Variants in JMY observed in about 807,000 individuals in gnomAD.
JMY encodes the protein junction-mediating and -regulatory protein.
A neutral mutation model predicts 103.3 loss-of-function variants in JMY; 46 were observed. That is an observed-to-expected ratio of 0.45 (90% CI 0.35 to 0.57). JMY has a LOEUF of 0.57. Ranked by LOEUF, JMY falls within the 20% of genes least tolerant of loss-of-function variation. The probability of loss-of-function intolerance (pLI) is 0.00; values close to 1 mark genes in which losing one functional copy is unlikely to be tolerated. For synonymous variants in JMY, 526 were observed against 489.3 expected (o/e 1.07, Z -0.99); for missense variants, 1,238 against 1,255.2 (o/e 0.99, Z 0.21).
At chr5:79,300,113 C>T (rs1419717100) in intron 4 of JMY, 40 bp from the exon 5 acceptor site, 27 of 1,590,452 alleles carry the variant, frequency 1.7e-5, no homozygotes, top group Non-Finnish European at 2.3e-5. Flanking sequence ...TTTCTTGTCC[C>T]CACCAGCTAG....
chr5:79,288,639 C>T (rs1351783876), intron 2 of JMY, among the ~76,000 whole-genome samples: 1 of 151,976 alleles, frequency 6.6e-6, no homozygotes, highest in East Asian at 1.9e-4. Context: ...CTGATGCTCC[C>T]CTTGATGTCT....
At chr5:79,315,886 AGAT>A in intron 9 of JMY, 111 bp from the exon 10 acceptor site, 1 of 816,276 alleles carries the variant, frequency 1.2e-6, no homozygotes, top group African/African-American at 1.7e-5. Context: ...TCCATTTTGA[AGAT>A]GGTGTTTCAG....
At chr5:79,262,476 C>T (rs1318124760) in intron 1 of JMY, among the ~76,000 whole-genome samples, 1 of 152,068 alleles carries the variant, frequency 6.6e-6, no homozygotes, top group East Asian at 1.9e-4. Context: ...ATTTTTTCAC[C>T]TGTTGAATTC....
chr5:79,278,309 C>G (rs1746006073), intron 2 of JMY, among the ~76,000 whole-genome samples: 1 of 151,982 alleles, frequency 6.6e-6, no homozygotes, highest in Admixed American at 6.6e-5. Context: ...TGAGGATAGC[C>G]CAGAAAGTAA....
In JMY at chr5:79,296,239, G is replaced by A. The variant is rs149512604; in HGVS notation, c.1528-3914G>A. On this transcript the variant is annotated intron_variant, in intron 4 of 10. Coordinates refer to ENST00000396137, the MANE Select transcript of JMY (RefSeq NM_152405.5). ...GATCACATTTTTCCACAAATGGATT[G>A]TGAGATTTGGTTTGACATTAAATTA... Among the ~76,000 whole-genome samples, 5 of 152,318 alleles carry A rather than the reference G, an allele frequency of 3.3e-5. No individual in the cohort carries two copies. In the East Asian group the frequency reaches 9.6e-4, roughly 29 times the overall value.
chr5:79,265,443 T>A (rs1745557915), intron 1 of JMY, among the ~76,000 whole-genome samples: 1 of 152,200 alleles, frequency 6.6e-6, no homozygotes, highest in Admixed American at 6.5e-5. Context: ...ATTCTGCAGA[T>A]CTAAAGGTGA....
At chr5:79,269,772 C>T (rs970171634) in intron 1 of JMY, among the ~76,000 whole-genome samples, 2 of 151,554 alleles carry the variant, frequency 1.3e-5, no homozygotes, top group South Asian at 2.1e-4. Flanking sequence ...GCCCTGTCAC[C>T]TAGGCTGGAG....
intron 1 of JMY, among the ~76,000 whole-genome samples, chr5:79,267,083 CCT>C (rs1286676118): frequency 1.3e-5 from 2 of 152,190 alleles, no homozygotes; most frequent in Non-Finnish European, 2.9e-5. Flanking sequence ...ATACTTCATA[CCT>C]CTCTCCTGCC....
chr5:79,266,428 T>A (rs191015115), intron 1 of JMY, among the ~76,000 whole-genome samples: 2 of 152,334 alleles, frequency 1.3e-5, no homozygotes, highest in East Asian at 3.9e-4. Context: ...TAATACTTGT[T>A]AAATGACCAA....
intron 1 of JMY, among the ~76,000 whole-genome samples, chr5:79,245,272 A>G (rs1723413260): frequency 6.6e-6 from 1 of 152,280 alleles, no homozygotes; most frequent in Admixed American, 6.5e-5. Flanking sequence ...ATAGTAGTAT[A>G]GGCACTGGGA....
chr5:79,283,117 G>T (rs575930709), intron 2 of JMY, among the ~76,000 whole-genome samples: 2 of 151,794 alleles, frequency 1.3e-5, no homozygotes, highest in Non-Finnish European at 2.9e-5. Flanking sequence ...TCAGCCTCCC[G>T]GAGTAGCTGG....
intron 10 of JMY, among the ~76,000 whole-genome samples, chr5:79,319,069 C>T (rs1747353633): frequency 6.6e-6 from 1 of 152,184 alleles, no homozygotes; most frequent in African/African-American, 2.4e-5. Flanking sequence ...ATTCACAGCA[C>T]ACCAGCAGCT....
chr5:79,239,742 G>A (rs1458535251), intron 1 of JMY, among the ~76,000 whole-genome samples: 1 of 150,924 alleles, frequency 6.6e-6, no homozygotes, highest in East Asian at 2.0e-4. Context: ...CCCAGGAGGC[G>A]TAGCTTGCAA....
chr5:79,279,478 G>A (rs1484031281), intron 2 of JMY, among the ~76,000 whole-genome samples: 1 of 152,140 alleles, frequency 6.6e-6, no homozygotes, highest in African/African-American at 2.4e-5. Flanking sequence ...CATTAAAATT[G>A]TCTTTTTACC....
chr5:79,304,033 ACCAGCTCTTCC>A (rs1746814158), intron 6 of JMY, among the ~76,000 whole-genome samples: 1 of 152,176 alleles, frequency 6.6e-6, no homozygotes, highest in African/African-American at 2.4e-5. Flanking sequence ...CCGGCTTAAT[ACCAGCTCTTCC>A]CTTGTTGATA....
rs66488906 is a variant in JMY at position 79,260,732 on chromosome 5, C to CT, written c.1033-17169dup. On this transcript the variant is annotated intron_variant, in intron 1 of 10. Coordinates refer to ENST00000396137, the MANE Select transcript of JMY (RefSeq NM_152405.5). ...TTTTTTGATTTCATGTCCCTTGAGT[C>CT]TTTTTTTTTCTCAGATTTTAGTATT... 4.9e-3 allele frequency among the ~76,000 whole-genome samples: 731 copies of CT among 150,528 alleles called. 3 individuals are homozygous for CT. The highest frequency in any genetic ancestry group is 0.016 in the African/African-American group (655 of 41,012).
At chr5:79,311,806 T>A (rs939706664) in intron 7 of JMY, among the ~76,000 whole-genome samples, 1 of 152,088 alleles carries the variant, frequency 6.6e-6, no homozygotes, top group African/African-American at 2.4e-5. Context: ...TGGTTGTTGA[T>A]TTGATTGCTT....
Position 79,314,513 on chromosome 5 carries a change from G to T in JMY, c.2321G>T (p.Ser774Ile), listed in dbSNP as rs1033695368. The change falls in exon 9 of 11, where the codon AGT (serine) becomes ATT (isoleucine). Residue 774 changes from serine (S) to isoleucine (I), a missense_variant. By Grantham distance (142) the Ser-to-Ile change is moderately radical (BLOSUM62 -2). Transcript: ENST00000396137. ...TQLEATSLPL[S>I]GVTSELPPTI... is the part of the protein sequence containing the mutation. ...CTTGAAGCCACCTCATTACCTCTCAGTGGTGTTACCTCTGAACTGCCTCCC... is the reference window on the plus strand; with the variant it reads ...CTTGAAGCCACCTCATTACCTCTCATTGGTGTTACCTCTGAACTGCCTCCC... The T allele has an allele frequency of 6.2e-7, 1 of 1,614,108 alleles. No homozygotes were observed. Among genetic ancestry groups the T allele is most frequent in the Non-Finnish European group, 8.5e-7 (1 of 1,179,996 alleles).
intron 1 of JMY, among the ~76,000 whole-genome samples, chr5:79,244,801 T>C (rs922794685): frequency 2.6e-5 from 4 of 151,864 alleles, no homozygotes; most frequent in Non-Finnish European, 5.9e-5. Context: ...ACATAGGCAC[T>C]GAAAACTAAA....
Sources: gnomAD v4.1 joint callset for allele counts (sites outside exome capture counted in the v4.1 genomes callset) on GRCh38, gnomAD v4.1.1 for gene constraint, MANE v1.5 for transcripts, NCBI Gene and HGNC (gene_info 2026-07-23, HGNC 2026-07-21) for gene names.